TXNDC5: variants seen among roughly 807,000 people sequenced by gnomAD.
The protein encoded by TXNDC5 is thioredoxin domain containing 5.
A neutral mutation model predicts 52.6 loss-of-function variants in TXNDC5; 44 were observed. The ratio of observed to expected loss-of-function variants is 0.84; its 90% confidence interval spans 0.66 to 1.08. The LOEUF is 1.08. Ranked by LOEUF, TXNDC5 falls within the 50% of genes least tolerant of loss-of-function variation. The pLI, the probability that TXNDC5 is intolerant of heterozygous loss-of-function variation, is 0.00. For missense variants in TXNDC5, 600 were observed against 565.5 expected, an observed-to-expected ratio of 1.06 and a Z score of -0.62; for synonymous variants, 241 against 234.4, an observed-to-expected ratio of 1.03 and a Z score of -0.26.
At chr6:7,910,392 C>G (rs1333279631) in intron 1 of TXNDC5, 122 bp downstream of exon 1, 1 of 1,112,336 alleles carries the variant, frequency 9.0e-7, no homozygotes, top group Admixed American at 4.8e-5. Context: ...GTAGCACGCA[C>G]GCCGCAGACC....
intron 1 of TXNDC5, among the ~76,000 whole-genome samples, chr6:7,904,935 T>C (rs1354502900): frequency 6.6e-6 from 1 of 152,208 alleles, no homozygotes; most frequent in African/African-American, 2.4e-5. Flanking sequence ...ATCTTGGCCT[T>C]GTTCCAGTAT....
chr6:7,906,179 T>A (rs903466692), intron 1 of TXNDC5, among the ~76,000 whole-genome samples: 1 of 152,018 alleles, frequency 6.6e-6, no homozygotes, highest in Non-Finnish European at 1.5e-5. Flanking sequence ...AGTTTGAGGC[T>A]GCAGCGAGCT....
At chr6:7,900,600 G>T (rs1457993197) in intron 2 of TXNDC5, among the ~76,000 whole-genome samples, 2 of 152,182 alleles carry the variant, frequency 1.3e-5, no homozygotes, top group African/African-American at 2.4e-5. Context: ...TGACATGAAG[G>T]TTTGAATAGT....
intron 1 of TXNDC5, among the ~76,000 whole-genome samples, chr6:7,906,719 TA>T (rs1760748662): frequency 6.6e-6 from 1 of 150,784 alleles, no homozygotes; most frequent in South Asian, 2.1e-4. Context: ...TTAACTTCTG[TA>T]GATTCAACAA....
intron 3 of TXNDC5, among the ~76,000 whole-genome samples, chr6:7,898,530 G>C (rs34049701): frequency 0.028 from 4,253 of 152,336 alleles, 84 homozygotes; most frequent in African/African-American, 0.06. Context: ...CTTCAAATCA[G>C]TGGGCGCTTA....
At chr6:7,904,156 T>C (rs944310458) in intron 2 of TXNDC5, among the ~76,000 whole-genome samples, 1 of 152,240 alleles carries the variant, frequency 6.6e-6, no homozygotes, top group Non-Finnish European at 1.5e-5. Context: ...GTAAGTATCA[T>C]CGTCTGTCAG....
chr6:7,901,447 A>AT (rs1760564179), intron 2 of TXNDC5, among the ~76,000 whole-genome samples: 1 of 152,160 alleles, frequency 6.6e-6, no homozygotes, highest in African/African-American at 2.4e-5. Flanking sequence ...CTAGCCTATG[A>AT]TTTTTTTGTA....
chr6:7,906,751 G>A (rs1223889432), intron 1 of TXNDC5, among the ~76,000 whole-genome samples: 4 of 151,516 alleles, frequency 2.6e-5, no homozygotes, highest in Non-Finnish European at 5.9e-5. Context: ...TGTGGCGGGG[G>A]AGAAGGAAAC....
At chr6:7,884,625 C>T (rs1482689245) in intron 8 of TXNDC5, 137 bp from the exon 9 acceptor site, 1 of 1,225,090 alleles carries the variant, frequency 8.2e-7, no homozygotes, top group Non-Finnish European at 1.1e-6. Context: ...ATACCAAATT[C>T]TCCCACTGGG....
At position 7,895,181 on chromosome 6, in the gene TXNDC5, G is replaced by C; in HGVS notation, c.541C>G (p.Pro181Ala). The change falls in exon 4 of 10, where the codon CCG (proline) becomes GCG (alanine). Residue 181 changes from proline (P) to alanine (A), a missense_variant. Physicochemically the swap from Pro to Ala is conservative, Grantham distance 27. Coordinates refer to ENST00000379757, the MANE Select transcript of TXNDC5 (RefSeq NM_030810.5). ...TGCTTGAGCTCGGGGGCACTGGGCG[G>C]TTCCACTTCCGGCTCTGGTGTCTAA... ...EPVTPEPEVEPPSAPELKQGL... is the reference protein window; with the variant it reads ...EPVTPEPEVEAPSAPELKQGL... The C allele has an allele frequency of 2.5e-6, 4 of 1,613,382 alleles. No individual in the cohort carries two copies. The highest frequency in any genetic ancestry group is 3.4e-6 in the Non-Finnish European group (4 of 1,179,722).
At position 7,883,182 on chromosome 6, in the gene TXNDC5, G is replaced by T. The variant is rs753814067; in HGVS notation, c.1261C>A (p.His421Asn). Residue 421 changes from histidine (H) to asparagine (N), a missense_variant, in exon 10 of 10, where the codon CAC becomes AAC. Coordinates refer to ENST00000379757, the MANE Select transcript of TXNDC5 (RefSeq NM_030810.5). ...HSGGRDLDSLHRFVLSQAKDE... is the reference protein window; with the variant it reads ...HSGGRDLDSLNRFVLSQAKDE... ...TTCGCTTGGCTCAGGACAAAGCGGT[G>T]TAACGAGTCAAGGTCTCTGCCTCCA... is the stretch of plus-strand genomic sequence containing the variant. The T allele has an allele frequency of 1.6e-5, 26 of 1,614,212 alleles. No homozygotes were observed. Among genetic ancestry groups the T allele is most frequent in the Non-Finnish European group, 2.2e-5 (26 of 1,180,030 alleles).
chr6:7,895,222 C>G lies in TXNDC5; in HGVS notation c.520-20G>C. The G allele has an allele frequency of 3.1e-6, 5 of 1,602,408 alleles. No individual in the cohort carries two copies. The South Asian group carries it at 5.6e-5, about 18-fold the overall frequency. On this transcript the variant is annotated intron_variant, in intron 3 of 9. Coordinates refer to ENST00000379757, the MANE Select transcript of TXNDC5 (RefSeq NM_030810.5). ...TGGTGTCTAACAGGAGGAAATAAAA[C>G]AGTCATGGGTGTGTCAGTGGAGACA...
chr6:7,886,236 G>A (rs576643938), intron 7 of TXNDC5, among the ~76,000 whole-genome samples, 193 bp from the exon 8 acceptor site: 1 of 152,296 alleles, frequency 6.6e-6, no homozygotes, highest in South Asian at 2.1e-4. Context: ...GCCTCTGAAG[G>A]GCAGAGAGAT....
intron 1 of TXNDC5, chr6:7,909,915 T>C: frequency 1.0e-6 from 1 of 985,978 alleles, no homozygotes; most frequent in Non-Finnish European, 1.2e-6. Context: ...GCCGCTCTGG[T>C]GAGTGCACGT....
intron 9 of TXNDC5, 77 bp from the exon 10 acceptor site, chr6:7,883,343 TA>T (rs1170413576): frequency 1.1e-5 from 17 of 1,599,072 alleles, no homozygotes; most frequent in South Asian, 5.5e-5. Flanking sequence ...TAAAACCAGA[TA>T]CACTCCTACC....
In TXNDC5 at chr6:7,895,510, T is replaced by C. The variant is rs550782187; in HGVS notation, c.520-308A>G. 1.7e-4 allele frequency among the ~76,000 whole-genome samples: 26 copies of C among 152,226 alleles called. No homozygotes were observed. In the South Asian group the frequency reaches 4.8e-3, roughly 28 times the overall value. On this transcript the variant is annotated intron_variant, in intron 3 of 9. Coordinates refer to ENST00000379757, the MANE Select transcript of TXNDC5 (RefSeq NM_030810.5). ...AAACCCAACCAAACAAAGCAGACAA[T>C]GCAAAGGACAGTCTTACCCTATACC...
chr6:7,886,810 G>C (rs1265842444), intron 7 of TXNDC5, among the ~76,000 whole-genome samples: 1 of 152,142 alleles, frequency 6.6e-6, no homozygotes, highest in Non-Finnish European at 1.5e-5. Context: ...GTGTACCAGG[G>C]CTGCTCCATT....
rs181147735 is a variant in TXNDC5, at chr6:7,893,576, C to T, written c.616+1530G>A. Among the ~76,000 whole-genome samples, 23 of 151,272 alleles carry T rather than the reference C, an allele frequency of 1.5e-4. No homozygotes were observed. In the East Asian group the frequency reaches 4.4e-3, roughly 29 times the overall value. ...CTGTCCTGCCGGAGTCGGTCCGTAA[C>T]AGGTGATTTGGGAAACACACCCTGC... On this transcript the variant is annotated intron_variant, in intron 4 of 9. Coordinates refer to ENST00000379757, the MANE Select transcript of TXNDC5 (RefSeq NM_030810.5).
In TXNDC5 at chr6:7,888,814, G is replaced by A. The variant is rs1401070492; in HGVS notation, c.854C>T (p.Ser285Leu). Reference sequence around the variant, plus strand: ...CTGCGACTCCACGTACTCCCTCAGTGACTCCAAATCCCGCTTTCCCTTGTA... The same window carrying A: ...CTGCGACTCCACGTACTCCCTCAGTAACTCCAAATCCCGCTTTCCCTTGTA... Reference protein sequence around the residue: ...DQYKGKRDLESLREYVESQLQ... With the variant: ...DQYKGKRDLELLREYVESQLQ... The change falls in exon 7 of 10, where the codon TCA (serine) becomes TTA (leucine). Residue 285 changes from serine (S) to leucine (L), a missense_variant. By Grantham distance (145) the Ser-to-Leu change is moderately radical. Coordinates refer to ENST00000379757, the MANE Select transcript of TXNDC5 (RefSeq NM_030810.5). 3 of 1,613,910 alleles carry A rather than the reference G, an allele frequency of 1.9e-6. No homozygotes were observed. Among genetic ancestry groups the A allele is most frequent in the South Asian group, 1.1e-5 (1 of 91,050 alleles).
Sources: allele counts gnomAD v4.1 joint callset (sites outside exome capture counted in the v4.1 genomes callset), GRCh38; gene constraint gnomAD v4.1.1; transcripts MANE v1.5; gene names NCBI Gene and HGNC (gene_info 2026-07-23, HGNC 2026-07-21).